Variants in IL7 observed in about 807,000 individuals in gnomAD.
The protein encoded by IL7 is interleukin 7, also known as interleukin-7.
IL7 carries 3 observed loss-of-function variants against 21.6 expected under a neutral mutation model. That is an observed-to-expected ratio of 0.14 (90% CI 0.06 to 0.36). IL7 has a LOEUF of 0.36. IL7 is among the 10% of genes least tolerant of loss of function. The pLI, the probability that IL7 is intolerant of heterozygous loss-of-function variation, is 1.00. For synonymous variants in IL7, 62 were observed against 68.1 expected, an observed-to-expected ratio of 0.91 and a Z score of 0.44; for missense variants, 175 against 200.2, an observed-to-expected ratio of 0.87 and a Z score of 0.76.
downstream of IL7, chr8:78,717,699 C>T (rs1414897076): frequency 2.8e-6 from 1 of 352,876 alleles, no homozygotes; most frequent in African/African-American, 2.1e-5. Context: ...TCTGATACCC[C>T]AGACTGTGTC....
chr8:78,735,740 A>G (rs979553950), intron 5 of IL7, among the ~76,000 whole-genome samples: 2 of 152,166 alleles, frequency 1.3e-5, no homozygotes, highest in African/African-American at 2.4e-5. Flanking sequence ...CTCAGAGTGT[A>G]CAGGCTCACT....
intron 3 of IL7, chr8:78,697,355 A>G: frequency 7.0e-7 from 1 of 1,424,950 alleles, no homozygotes; most frequent in Non-Finnish European, 9.6e-7. Context: ...ACTACTTTAC[A>G]ATCCATAATC....
At chr8:78,769,537 A>T (rs1812881034) in intron 2 of IL7, among the ~76,000 whole-genome samples, 1 of 152,238 alleles carries the variant, frequency 6.6e-6, no homozygotes, top group Non-Finnish European at 1.5e-5. Flanking sequence ...ATAAAAGAGG[A>T]TACAAACAAA....
intron 3 of IL7, chr8:78,698,616 G>T (rs1810508926): frequency 2.3e-6 from 2 of 872,420 alleles, no homozygotes; most frequent in Non-Finnish European, 3.3e-6. Context: ...CATTTCCTAA[G>T]TTCATTTGTC....
chr8:78,722,437 G>A (rs1253471181), intron 3 of IL7, among the ~76,000 whole-genome samples: 1 of 151,430 alleles, frequency 6.6e-6, no homozygotes, highest in Admixed American at 6.6e-5. Context: ...AATTTATTTT[G>A]CACATTTTAA....
intron 2 of IL7, chr8:78,762,243 A>G: frequency 6.3e-7 from 1 of 1,578,788 alleles, no homozygotes; most frequent in Non-Finnish European, 8.7e-7. Context: ...GAGGTCTCAA[A>G]ATGTTTGGCA....
chr8:78,712,649 G>A (rs1362820816), intron 3 of IL7, among the ~76,000 whole-genome samples: 1 of 152,144 alleles, frequency 6.6e-6, no homozygotes, highest in East Asian at 1.9e-4. Flanking sequence ...TCAAGCTCGA[G>A]GAAGAGTATG....
Position 78,736,500 on chromosome 8 carries a change from C to T in IL7, c.388G>A (p.Gly130Ser). 6.2e-7 allele frequency: 1 copy of T among 1,603,300 alleles called. No homozygotes were observed. The highest frequency in any genetic ancestry group is 8.5e-7 in the Non-Finnish European group (1 of 1,172,952). ...QVKGRKPAAL[G>S]EAQPTKSLEE... Reference sequence around the variant, plus strand: ...AAACTCTTTGTTGGTTGGGCTTCACCCAGGGCAGCTGGTTTTCTTCCTTTA... The same window carrying T: ...AAACTCTTTGTTGGTTGGGCTTCACTCAGGGCAGCTGGTTTTCTTCCTTTA... The change falls in exon 5 of 6, where the codon GGT becomes AGT. Residue 130 changes from glycine to serine, a missense_variant. Coordinates refer to ENST00000263851, the MANE Select transcript of IL7 (RefSeq NM_000880.4).
rs569259944 is a variant in IL7, at chr8:78,679,268, C to A, written n.274-3164G>T. 2.0e-5 allele frequency: 3 copies of A among 152,214 alleles called. No homozygotes were observed. The East Asian group carries it at 5.8e-4, about 29-fold the overall frequency. 9.4% of individuals were successfully genotyped at this position (152,214 alleles called of 1,614,324 possible). A position where few individuals can be genotyped will look rare whatever the true frequency, so the allele number is the denominator to read the frequency against. On this transcript the variant is annotated intron_variant and non_coding_transcript_variant, in intron 4 of 4. Transcript: ENST00000523959. ...TATTGTGATAATCTCTCCTTAATAT[C>A]TGTTATATATTATAGTAATCCCTTG... is the stretch of plus-strand genomic sequence containing the variant.
chr8:78,770,655 A>C (rs1359595456), intron 2 of IL7, among the ~76,000 whole-genome samples: 1 of 152,032 alleles, frequency 6.6e-6, no homozygotes, highest in South Asian at 2.1e-4. Flanking sequence ...TTATATATAC[A>C]TATGCATACA....
In IL7 at chr8:78,738,497, A is replaced by C; in HGVS notation, c.360+7T>G. On this transcript the variant is annotated splice_region_variant and intron_variant, in intron 4 of 5. Coordinates refer to ENST00000263851, the MANE Select transcript of IL7 (RefSeq NM_000880.4). ...TTTTTATTCAAAGTAAATAGTCCTT[A>C]GCTTACCTGGCCAGTGCAGTTCAAC... is the stretch of plus-strand genomic sequence containing the variant. The C allele has an allele frequency of 6.2e-7, 1 of 1,610,326 alleles. No individual in the cohort carries two copies. Among genetic ancestry groups the C allele is most frequent in the South Asian group, 1.1e-5 (1 of 90,316 alleles).
chr8:78,789,960 T>C (rs1177268275), intron 2 of IL7, among the ~76,000 whole-genome samples: 5 of 152,108 alleles, frequency 3.3e-5, no homozygotes, highest in African/African-American at 1.2e-4. Context: ...TGGGTAGAGA[T>C]ATCTACTAGA....
At chr8:78,712,019 G>A (rs755568890) in intron 3 of IL7, 10 of 1,289,454 alleles carry the variant, frequency 7.8e-6, no homozygotes, top group East Asian at 5.5e-5. Flanking sequence ...CCTCCACTTC[G>A]AACGGGAAGA....
chr8:78,714,811 T>G (rs896353974), downstream of IL7, among the ~76,000 whole-genome samples: 1 of 151,894 alleles, frequency 6.6e-6, no homozygotes, highest in African/African-American at 2.4e-5. Flanking sequence ...GCAAAAAAAT[T>G]CTTTTTTTAA....
chr8:78,776,950 T>C (rs1357906734), intron 2 of IL7, among the ~76,000 whole-genome samples: 2 of 152,100 alleles, frequency 1.3e-5, no homozygotes, highest in Non-Finnish European at 2.9e-5. Context: ...GTGATCTTCA[T>C]GGTGAATAGA....
chr8:78,701,550 A>G (rs1390022497), intron 3 of IL7, among the ~76,000 whole-genome samples: 3 of 152,180 alleles, frequency 2.0e-5, no homozygotes, highest in Admixed American at 6.5e-5. Context: ...GAGTGGTGAG[A>G]AAGGGCATCT....
chr8:78,753,161 G>A (rs1812231539), intron 2 of IL7, among the ~76,000 whole-genome samples: 1 of 152,202 alleles, frequency 6.6e-6, no homozygotes, highest in Non-Finnish European at 1.5e-5. Flanking sequence ...TCACCACACT[G>A]TCTTCCACAA....
At chr8:78,681,499 T>C (rs2130458960) in intron 4 of IL7, among the ~76,000 whole-genome samples, 1 of 152,280 alleles carries the variant, frequency 6.6e-6, no homozygotes, top group East Asian at 1.9e-4. Flanking sequence ...TTTGCATTTA[T>C]ATTAATCAGA....
At chr8:78,683,039 T>C (rs1236421295) in intron 4 of IL7, among the ~76,000 whole-genome samples, 2 of 152,240 alleles carry the variant, frequency 1.3e-5, no homozygotes, top group South Asian at 2.1e-4. Context: ...TGGGCTCCCA[T>C]GGCCTTGGGC....
Sources: gnomAD v4.1 joint callset for allele counts (sites outside exome capture counted in the v4.1 genomes callset) on GRCh38, gnomAD v4.1.1 for gene constraint, MANE v1.5 for transcripts, NCBI Gene and HGNC (gene_info 2026-07-23, HGNC 2026-07-21) for gene names.